The following NLRC5 variants were observed in gnomAD, a reference collection of about 807,000 sequenced individuals.
NLRC5 encodes the protein protein NLRC5.
In NLRC5, 114 loss-of-function variants were observed where a neutral mutation model predicts 206.9. That is an observed-to-expected ratio of 0.55 (90% CI 0.47 to 0.64). The LOEUF (loss-of-function observed/expected upper bound fraction) is 0.64. Among genes scored for constraint, NLRC5 ranks in the 30% least tolerant of loss-of-function variants. The pLI, the probability that NLRC5 is intolerant of heterozygous loss-of-function variation, is 0.00. For synonymous variants in NLRC5, 952 were observed against 962.8 expected (o/e 0.99, Z 0.21); for missense variants, 2,008 against 2,305.5 (o/e 0.87, Z 2.64).
chr16:57,046,827 C>T (rs778053097), intron 22 of NLRC5, among the ~76,000 whole-genome samples, 186 bp downstream of exon 22: 7 of 152,160 alleles, frequency 4.6e-5, no homozygotes, highest in African/African-American at 7.2e-5. Flanking sequence ...TGGCCCCTGA[C>T]GGGCAGCTCA....
chr16:57,081,299 C>A, intron 47 of NLRC5, 118 bp downstream of exon 47: 1 of 1,089,824 alleles, frequency 9.2e-7, no homozygotes, highest in Non-Finnish European at 1.3e-6. Flanking sequence ...GAGTTGCACA[C>A]TCTGGCCTGT....
At chr16:57,057,233 C>A (rs923196586) in intron 27 of NLRC5, among the ~76,000 whole-genome samples, 2 of 152,090 alleles carry the variant, frequency 1.3e-5, no homozygotes, top group Non-Finnish European at 2.9e-5. Context: ...CCAGCCTGAT[C>A]AACATGGTGA....
intron 1 of NLRC5, among the ~76,000 whole-genome samples, chr16:56,996,759 A>G (rs2057665858): frequency 6.6e-6 from 1 of 152,250 alleles, no homozygotes; most frequent in Admixed American, 6.5e-5. Context: ...CAGGAAAAAT[A>G]ATAAAGACAT....
chr16:57,020,805 G>A lies in NLRC5; in HGVS notation c.93G>A (p.Lys31=). Residue 31 remains lysine, a synonymous_variant, in exon 3 of 49, where the codon AAG becomes AAA. Coordinates refer to ENST00000688547, the MANE Select transcript of NLRC5 (RefSeq NM_001384950.1). ...AAGACCCAGAATGGCTGAACGCCAA[G>A]ATGAAGTTCTTCCTCCCCAACACGG... ...LTKDPEWLNA[K]MKFFLPNTDL... is the part of the protein sequence containing the mutation. 1 of 1,613,418 alleles carries A rather than the reference G, an allele frequency of 6.2e-7. No individual in the cohort carries two copies. Among genetic ancestry groups the A allele is most frequent in the Non-Finnish European group, 8.5e-7 (1 of 1,179,898 alleles).
At chr16:57,042,184 C>T in intron 19 of NLRC5, 119 bp downstream of exon 19, 1 of 585,106 alleles carries the variant, frequency 1.7e-6, no homozygotes, top group East Asian at 3.4e-5. Context: ...ATGAAAATTG[C>T]CCCTAATACA....
At chr16:57,042,558 A>C (rs1471363170) in intron 19 of NLRC5, among the ~76,000 whole-genome samples, 1 of 152,134 alleles carries the variant, frequency 6.6e-6, no homozygotes, top group African/African-American at 2.4e-5. Flanking sequence ...CCTGCAATGG[A>C]CCAGAGTTCT....
chr16:56,999,693 T>C (rs2058034986), intron 1 of NLRC5, among the ~76,000 whole-genome samples: 1 of 152,260 alleles, frequency 6.6e-6, no homozygotes, highest in African/African-American at 2.4e-5. Context: ...GGGAAGGGGA[T>C]AAAGCTGAGT....
intron 1 of NLRC5, among the ~76,000 whole-genome samples, chr16:57,016,635 T>G (rs2060130519): frequency 6.6e-6 from 1 of 152,212 alleles, no homozygotes; most frequent in Non-Finnish European, 1.5e-5. Context: ...AAAAACTAAC[T>G]AAATAGGAAG....
rs2061454103 is a variant in NLRC5 at position 57,028,302 on chromosome 16, G to A, written c.2160G>A (p.Gly720=). The change falls in exon 8 of 49, where the codon GGG becomes GGA. Residue 720 remains glycine (G), a splice_region_variant and synonymous_variant. Transcript: ENST00000688547. The part of the protein sequence containing the change: ...LPTMGRLQML[G]LAGSKITARG... Reference sequence around the variant, plus strand: ...CCCACCATCTTTGCTTACTCTGTAGGTTAGCAGGAAGTAAAATCACTGCCC... The same window carrying A: ...CCCACCATCTTTGCTTACTCTGTAGATTAGCAGGAAGTAAAATCACTGCCC... 1 of 1,613,752 alleles carries A rather than the reference G, an allele frequency of 6.2e-7. No individual in the cohort carries two copies. Among genetic ancestry groups the A allele is most frequent in the Non-Finnish European group, 8.5e-7 (1 of 1,179,794 alleles).
At chr16:57,058,401 C>T (rs1320406236) in intron 28 of NLRC5, 2 of 520,036 alleles carry the variant, frequency 3.8e-6, no homozygotes, top group African/African-American at 1.9e-5. Context: ...GGTGACACAC[C>T]CCTACAGCCA....
chr16:57,073,009 C>G (rs1305830544), intron 38 of NLRC5, among the ~76,000 whole-genome samples: 1 of 152,136 alleles, frequency 6.6e-6, no homozygotes, highest in African/African-American at 2.4e-5. Context: ...TTTCTTTGCC[C>G]ACTGTCCATG....
rs2061608960 is a variant in NLRC5 at position 57,029,855 on chromosome 16, G to C, written c.2326G>C (p.Asp776His). 6.2e-7 allele frequency: 1 copy of C among 1,613,764 alleles called. No homozygotes were observed. Among genetic ancestry groups the C allele is most frequent in the Admixed American group, 1.7e-5 (1 of 59,992 alleles). The change falls in exon 9 of 49, where the codon GAC becomes CAC. Residue 776 changes from aspartate (D) to histidine (H), a missense_variant and splice_region_variant. Transcript: ENST00000688547. ...TCACCTACCACGGCTCCGGAAGCTT[G>C]AGTAAGTGATCTTTCCACTGCCTCT... is the stretch of plus-strand genomic sequence containing the variant. Reference protein sequence around the residue: ...LPHLPRLRKLDLSSNSICVST... With the variant: ...LPHLPRLRKLHLSSNSICVST...
chr16:57,079,139 T>C lies in NLRC5; in HGVS notation c.5165+6T>C. Reference sequence around the variant, plus strand: ...CCCCATTTGGAAGAGATCAGGTAAGTAGGGGCTGCCCAGCCCAGGCACGGG... The same window carrying C: ...CCCCATTTGGAAGAGATCAGGTAAGCAGGGGCTGCCCAGCCCAGGCACGGG... On this transcript the variant is annotated splice_donor_region_variant and intron_variant, in intron 44 of 48. Transcript: ENST00000688547. The C allele has an allele frequency of 6.2e-7, 1 of 1,614,044 alleles. No homozygotes were observed. The highest frequency in any genetic ancestry group is 8.5e-7 in the Non-Finnish European group (1 of 1,179,998).
chr16:57,055,613 CAT>C (rs1158677866), intron 27 of NLRC5, 94 bp downstream of exon 27: 2 of 960,586 alleles, frequency 2.1e-6, no homozygotes, highest in Non-Finnish European at 3.3e-6. Flanking sequence ...CACATACACT[CAT>C]GTGTGCCTGC....
At chr16:57,074,819 C>A in intron 39 of NLRC5, 136 bp downstream of exon 39, 1 of 802,312 alleles carries the variant, frequency 1.2e-6, no homozygotes, top group Non-Finnish European at 2.1e-6. Flanking sequence ...TCCCTGTGCC[C>A]TCCCAGGTGG....
At chr16:57,014,340 C>A (rs573904180) in intron 1 of NLRC5, among the ~76,000 whole-genome samples, 1 of 152,160 alleles carries the variant, frequency 6.6e-6, no homozygotes, top group African/African-American at 2.4e-5. Context: ...CATTTTTAAT[C>A]CAAGAATCTT....
At chr16:57,065,348 T>C (rs1263573299) in intron 33 of NLRC5, 50 bp downstream of exon 33, 7 of 1,349,758 alleles carry the variant, frequency 5.2e-6, no homozygotes, top group East Asian at 2.7e-5. Context: ...TTCATAAGCA[T>C]TGGGACTTTT....
At position 57,026,853 on chromosome 16, in the gene NLRC5, A is replaced by G; in HGVS notation, c.1910A>G (p.Tyr637Cys). 1.2e-6 allele frequency: 2 copies of G among 1,614,158 alleles called. No homozygotes were observed. Among genetic ancestry groups the G allele is most frequent in the Non-Finnish European group, 8.5e-7 (1 of 1,180,028 alleles). ...AGTCTCACCGCACAAAGCCTCCCCTATCAACTGCCCTTCCACAATTTCCCA... is the reference window on the plus strand; with the variant it reads ...AGTCTCACCGCACAAAGCCTCCCCTGTCAACTGCCCTTCCACAATTTCCCA... Reference protein sequence around the residue: ...LASLTAQSLPYQLPFHNFPLT... With the variant: ...LASLTAQSLPCQLPFHNFPLT... The change falls in exon 6 of 49, where the codon TAT becomes TGT. Residue 637 changes from tyrosine to cysteine, a missense_variant. Coordinates refer to ENST00000688547, the MANE Select transcript of NLRC5 (RefSeq NM_001384950.1).
chr16:57,043,411 G>A lies in NLRC5; in HGVS notation c.3114-104G>A, dbSNP rs190468580. ...GACCATCTTGGGTTCAGTGGGTTCC[G>A]TCATCTGGAACCAGGGATCCCTCCC... On this transcript the variant is annotated intron_variant, in intron 19 of 48. Coordinates refer to ENST00000688547, the MANE Select transcript of NLRC5 (RefSeq NM_001384950.1). 4.3e-4 allele frequency: 386 copies of A among 897,708 alleles called. 1 individual carries two copies. The highest frequency in any genetic ancestry group is 1.4e-3 in the African/African-American group (83 of 61,368). 55.6% of individuals were successfully genotyped at this position (897,708 alleles called of 1,614,324 possible). A position where few individuals can be genotyped will look rare whatever the true frequency, so the allele number is the denominator to read the frequency against.
Sources: allele counts gnomAD v4.1 joint callset (sites outside exome capture counted in the v4.1 genomes callset), GRCh38; gene constraint gnomAD v4.1.1; transcripts MANE v1.5; gene names NCBI Gene and HGNC (gene_info 2026-07-23, HGNC 2026-07-21).